Variants in PPIG observed in about 807,000 individuals in gnomAD.
PPIG encodes peptidyl-prolyl cis-trans isomerase G.
In PPIG, 26 loss-of-function variants were observed where a neutral mutation model predicts 87.9. That is an observed-to-expected ratio of 0.30 (90% confidence interval 0.22 to 0.41). The LOEUF (loss-of-function observed/expected upper bound fraction) is 0.41. Ranked by LOEUF, PPIG falls within the 10% of genes least tolerant of loss-of-function variation. The pLI is 1.00. For missense variants in PPIG, 722 were observed against 879.4 expected, an observed-to-expected ratio of 0.82 and a Z score of 2.26; for synonymous variants, 308 against 276.5, an observed-to-expected ratio of 1.11 and a Z score of -1.13.
intron 10 of PPIG, 72 bp from the exon 11 acceptor site, chr2:169,631,694 C>T (rs1337963546): frequency 1.9e-6 from 3 of 1,597,454 alleles, no homozygotes; most frequent in Non-Finnish European, 2.6e-6. Flanking sequence ...GAAAGAAATA[C>T]CAACAATTGG....
intron 7 of PPIG, among the ~76,000 whole-genome samples, chr2:169,611,337 C>T (rs1210330884): frequency 1.3e-5 from 2 of 152,188 alleles, no homozygotes; most frequent in Non-Finnish European, 2.9e-5. Flanking sequence ...TGTAGAGTGT[C>T]GTTCTATAGT....
chr2:169,622,785 T>C (rs1330617583), intron 9 of PPIG, among the ~76,000 whole-genome samples: 1 of 152,226 alleles, frequency 6.6e-6, no homozygotes, highest in Non-Finnish European at 1.5e-5. Context: ...GATTTTGTCA[T>C]GCATCTTACA....
chr2:169,619,790 G>A (rs1250261085), intron 9 of PPIG, among the ~76,000 whole-genome samples: 1 of 151,856 alleles, frequency 6.6e-6, no homozygotes, highest in African/African-American at 2.4e-5. Flanking sequence ...GGTGTGAAGT[G>A]CTATCTCAGT....
chr2:169,629,115 C>A (rs1685973131), intron 9 of PPIG, among the ~76,000 whole-genome samples: 1 of 152,036 alleles, frequency 6.6e-6, no homozygotes, highest in Non-Finnish European at 1.5e-5. Flanking sequence ...GATATATTTT[C>A]TTTGTTTTCC....
At chr2:169,585,616 A>G (rs1315079210) in intron 1 of PPIG, among the ~76,000 whole-genome samples, 3 of 152,152 alleles carry the variant, frequency 2.0e-5, no homozygotes, top group Non-Finnish European at 2.9e-5. Context: ...AGTATGCACA[A>G]TCGTTTTGGA....
chr2:169,633,182 G>C lies in PPIG; in HGVS notation c.952G>C (p.Ala318Pro), dbSNP rs1249637838. 6.2e-7 allele frequency: 1 copy of C among 1,610,194 alleles called. No individual in the cohort carries two copies. The highest frequency in any genetic ancestry group is 2.2e-5 in the East Asian group (1 of 44,780). Residue 318 changes from alanine to proline, a missense_variant, in exon 12 of 14, where the codon GCT (alanine) becomes CCT (proline). Coordinates refer to ENST00000260970, the MANE Select transcript of PPIG (RefSeq NM_004792.3). ...RECNPPNSQP[A>P]SYQRRLLVTR... ...TAGTAATCCACCTAACTCCCAGCCT[G>C]CTTCATACCAGAGACGACTTTTAGT...
chr2:169,597,467 G>C (rs1283830654), intron 1 of PPIG, among the ~76,000 whole-genome samples: 3 of 148,176 alleles, frequency 2.0e-5, no homozygotes, highest in Non-Finnish European at 4.5e-5. Flanking sequence ...CCCCACTTTC[G>C]TTTTTCTCTC....
chr2:169,631,073 A>T (rs573421904), intron 10 of PPIG, 86 bp downstream of exon 10: 23 of 1,222,196 alleles, frequency 1.9e-5, no homozygotes, highest in Non-Finnish European at 2.6e-5. Flanking sequence ...ATTATATGAA[A>T]CTGTTAAAAT....
chr2:169,588,454 T>G (rs908295190), intron 1 of PPIG, among the ~76,000 whole-genome samples: 5 of 152,176 alleles, frequency 3.3e-5, no homozygotes, highest in African/African-American at 1.2e-4. Context: ...TTCATCTCTT[T>G]TGTCCTCTTG....
chr2:169,612,723 T>C (rs888461936), intron 7 of PPIG, among the ~76,000 whole-genome samples: 49 of 152,198 alleles, frequency 3.2e-4, no homozygotes, highest in African/African-American at 1.2e-3. Context: ...CCACTATATG[T>C]ATATACCACA....
At chr2:169,585,586 G>C (rs575501016) in intron 1 of PPIG, among the ~76,000 whole-genome samples, 4 of 152,238 alleles carry the variant, frequency 2.6e-5, no homozygotes, top group African/African-American at 9.6e-5. Context: ...AAGGAGCAAA[G>C]TCTAGATGTG....
At chr2:169,589,810 C>T (rs968749977) in intron 1 of PPIG, among the ~76,000 whole-genome samples, 3 of 152,140 alleles carry the variant, frequency 2.0e-5, no homozygotes, top group Admixed American at 2.0e-4. Flanking sequence ...GCAGTATCCC[C>T]ATTTAAGAAG....
chr2:169,616,155 A>C (rs1373085950), intron 9 of PPIG, among the ~76,000 whole-genome samples: 1 of 152,178 alleles, frequency 6.6e-6, no homozygotes, highest in Admixed American at 6.5e-5. Flanking sequence ...AGCTTAATCC[A>C]TGTCCCTGAA....
intron 7 of PPIG, among the ~76,000 whole-genome samples, chr2:169,610,190 A>G (rs1685448377): frequency 6.6e-6 from 1 of 152,222 alleles, no homozygotes; most frequent in Non-Finnish European, 1.5e-5. Context: ...ACTGTTCAAC[A>G]GTGAGAAATC....
intron 1 of PPIG, among the ~76,000 whole-genome samples, chr2:169,596,125 C>T (rs537466041): frequency 2.2e-5 from 3 of 137,482 alleles, no homozygotes; most frequent in Non-Finnish European, 3.1e-5. Context: ...TTTTTTGAGA[C>T]GGAGTCTCAC....
At position 169,635,180 on chromosome 2, in the gene PPIG, G is replaced by A. The variant is rs1157139243; in HGVS notation, c.1018-912G>A. 5.9e-5 allele frequency among the ~76,000 whole-genome samples: 9 copies of A among 151,974 alleles called. No individual in the cohort carries two copies. The East Asian group carries it at 1.7e-3, about 29-fold the overall frequency. ...GTCTGATCTTTTTTTTAAAATAGTAGCCAGAATTGTCATTTAAAAATGAAA... is the reference window on the plus strand; with the variant it reads ...GTCTGATCTTTTTTTTAAAATAGTAACCAGAATTGTCATTTAAAAATGAAA... On this transcript the variant is annotated intron_variant, in intron 12 of 13. Coordinates refer to ENST00000260970, the MANE Select transcript of PPIG (RefSeq NM_004792.3).
intron 9 of PPIG, among the ~76,000 whole-genome samples, chr2:169,623,980 G>GT (rs1349279239): frequency 3.9e-5 from 6 of 151,954 alleles, no homozygotes; most frequent in Middle Eastern, 3.2e-3. Flanking sequence ...GTTTTGTTTT[G>GT]TTTTTTTGAG....
intron 1 of PPIG, among the ~76,000 whole-genome samples, chr2:169,592,546 C>T (rs544960006): frequency 1.3e-5 from 2 of 151,968 alleles, no homozygotes; most frequent in East Asian, 3.9e-4. Flanking sequence ...CCTTGTGATC[C>T]GCACGCCTCG....
chr2:169,615,265 T>A (rs963217643), intron 9 of PPIG, among the ~76,000 whole-genome samples: 3 of 152,154 alleles, frequency 2.0e-5, no homozygotes, highest in African/African-American at 7.2e-5. Context: ...GCCAGGCTGG[T>A]CTCGAACTCC....
Sources: gnomAD v4.1 joint callset for allele counts (sites outside exome capture counted in the v4.1 genomes callset) on GRCh38, gnomAD v4.1.1 for gene constraint, MANE v1.5 for transcripts, NCBI Gene and HGNC (gene_info 2026-07-23, HGNC 2026-07-21) for gene names.